Variants in TOLLIP observed in about 807,000 individuals in gnomAD.
TOLLIP encodes toll interacting protein.
TOLLIP carries 16 observed loss-of-function variants against 33.5 expected under a neutral mutation model. The ratio of observed to expected loss-of-function variants is 0.48; its 90% CI spans 0.32 to 0.72. The LOEUF is 0.72. Ranked by LOEUF, TOLLIP falls within the 30% of genes least tolerant of loss-of-function variation. TOLLIP has a pLI of 0.03. For missense variants in TOLLIP, 325 were observed against 396.6 expected (o/e 0.82, Z 1.53); for synonymous variants, 176 against 163.7 (o/e 1.07, Z -0.57).
rs1863354328 is a variant in TOLLIP, at chr11:1,277,672, C to T, written c.611-419G>A. 1.3e-5 allele frequency among the ~76,000 whole-genome samples: 2 copies of T among 152,210 alleles called. No individual in the cohort carries two copies. Among genetic ancestry groups the T allele is most frequent in the Non-Finnish European group, 2.9e-5 (2 of 68,036 alleles). ...GTCCTCTGCATCTGGGGACGGACTA[C>T]ACGGAATGTCACGCCCGCTGATCCA... On this transcript the variant is annotated intron_variant, in intron 5 of 5. Transcript: ENST00000317204. The surrounding 1 kb of genome is among the most constrained non-coding windows in gnomAD (Gnocchi z 4.2).
In TOLLIP at chr11:1,277,337, G is replaced by A. The variant is rs1863344484; in HGVS notation, c.611-84C>T. 5 of 1,140,514 alleles carry A rather than the reference G, an allele frequency of 4.4e-6. No individual in the cohort carries two copies. The highest frequency in any genetic ancestry group is 5.2e-5 in the East Asian group (2 of 38,254). The allele number at this position is 1,140,514 out of a possible 1,614,324, so 70.6% of individuals were successfully genotyped here. A position where few individuals can be genotyped will look rare whatever the true frequency, so the allele number is the denominator to read the frequency against. On this transcript the variant is annotated intron_variant, in intron 5 of 5. Coordinates refer to ENST00000317204, the MANE Select transcript of TOLLIP (RefSeq NM_019009.4). The surrounding 1 kb of genome is among the most constrained non-coding windows in gnomAD (Gnocchi z 4.2). ...GCTCCTGCTGAAGGAAGAAAACAAC[G>A]CATCCCACCGGCCTCCCTGAGGAAG...
chr11:1,308,735 G>A (rs1448309985), intron 1 of TOLLIP, among the ~76,000 whole-genome samples: 1 of 152,222 alleles, frequency 6.6e-6, no homozygotes, highest in African/African-American at 2.4e-5. Flanking sequence ...CACTAACCGG[G>A]GACACAATTG....
At chr11:1,295,872 T>C in intron 1 of TOLLIP, 78 bp from the exon 2 acceptor site, 1 of 1,472,408 alleles carries the variant, frequency 6.8e-7, no homozygotes. Flanking sequence ...GCCCCCGGCA[T>C]TCCCGCGGCC....
intron 5 of TOLLIP, among the ~76,000 whole-genome samples, chr11:1,280,349 C>G (rs1283932678): frequency 3.9e-5 from 6 of 152,192 alleles, no homozygotes; most frequent in Non-Finnish European, 7.3e-5. Context: ...GGGCCTCCCC[C>G]TTGTCCATCC....
At chr11:1,293,659 T>G (rs1864022186) in intron 2 of TOLLIP, among the ~76,000 whole-genome samples, 1 of 152,218 alleles carries the variant, frequency 6.6e-6, no homozygotes, top group African/African-American at 2.4e-5. Context: ...TGTGGTGGGC[T>G]CCAGGGTGCG....
intron 1 of TOLLIP, among the ~76,000 whole-genome samples, chr11:1,299,376 G>A (rs1379979184): frequency 1.3e-5 from 2 of 152,192 alleles, no homozygotes; most frequent in Non-Finnish European, 2.9e-5. Context: ...CTTCAAACGA[G>A]GAGGGAGTGC....
Position 1,290,173 on chromosome 11 carries a change from G to A in TOLLIP, c.366+54C>T. Reference sequence around the variant, plus strand: ...CTGTGTTGGCAGGTGTGTCCCCACGGCAGCCACGCTCAGCCACGTGCAGCC... The same window carrying A: ...CTGTGTTGGCAGGTGTGTCCCCACGACAGCCACGCTCAGCCACGTGCAGCC... On this transcript the variant is annotated intron_variant, in intron 3 of 5. Coordinates refer to ENST00000317204, the MANE Select transcript of TOLLIP (RefSeq NM_019009.4). The surrounding 1 kb of genome is among the most constrained non-coding windows in gnomAD (Gnocchi z 4.9). The A allele has an allele frequency of 6.4e-7, 1 of 1,572,626 alleles. No individual in the cohort carries two copies. The highest frequency in any genetic ancestry group is 8.7e-7 in the Non-Finnish European group (1 of 1,151,472).
At position 1,277,811 on chromosome 11, in the gene TOLLIP, T is replaced by C. The variant is rs1221907001; in HGVS notation, c.611-558A>G. Among the ~76,000 whole-genome samples, 1 of 152,208 alleles carries C rather than the reference T, an allele frequency of 6.6e-6. No individual in the cohort carries two copies. Among genetic ancestry groups the C allele is most frequent in the African/African-American group, 2.4e-5 (1 of 41,448 alleles). On this transcript the variant is annotated intron_variant, in intron 5 of 5. Coordinates refer to ENST00000317204, the MANE Select transcript of TOLLIP (RefSeq NM_019009.4). This position sits in a 1 kb window ranked among gnomAD's most constrained non-coding sequence, Gnocchi z 4.2. ...GGTGGGGAACAATCACCACAGGCAC[T>C]GAAGACCTCAGCAAAGCTGCAGCCG... is the stretch of plus-strand genomic sequence containing the variant.
intron 1 of TOLLIP, among the ~76,000 whole-genome samples, chr11:1,297,094 G>A (rs1412731131): frequency 6.6e-6 from 1 of 152,118 alleles, no homozygotes; most frequent in Non-Finnish European, 1.5e-5. Context: ...CAGTGCCCTG[G>A]GCAGTTGTTT....
At chr11:1,295,823 T>A in intron 1 of TOLLIP, 29 bp from the exon 2 acceptor site, 1 of 1,526,322 alleles carries the variant, frequency 6.6e-7, no homozygotes. Context: ...GAGAGGCCAG[T>A]GAGTCAGGGT....
intron 2 of TOLLIP, among the ~76,000 whole-genome samples, chr11:1,293,326 G>A (rs1864013174): frequency 6.6e-6 from 1 of 152,220 alleles, no homozygotes; most frequent in Non-Finnish European, 1.5e-5. Context: ...ATCTGGGGTG[G>A]AGCTGAGTGG....
intron 1 of TOLLIP, among the ~76,000 whole-genome samples, chr11:1,308,041 A>G (rs1300706576): frequency 1.3e-5 from 2 of 152,200 alleles, no homozygotes; most frequent in African/African-American, 2.4e-5. Context: ...AGCATCGTGA[A>G]AAAGGACTTT....
In TOLLIP at chr11:1,288,604, C is replaced by T. The variant is rs369695317; in HGVS notation, c.519+20G>A. 439 of 1,598,758 alleles carry T rather than the reference C, an allele frequency of 2.7e-4. No individual in the cohort carries two copies. The highest frequency in any genetic ancestry group is 4.1e-4 in the African/African-American group (31 of 74,890). Reference sequence around the variant, plus strand: ...CAACATACCCCAATGCGCCCCACCCCGCCCAGGCGTGCAGCTCACCGCGTA... The same window carrying T: ...CAACATACCCCAATGCGCCCCACCCTGCCCAGGCGTGCAGCTCACCGCGTA... On this transcript the variant is annotated intron_variant, in intron 4 of 5. Transcript: ENST00000317204.
At chr11:1,302,303 TC>T (rs1864304658) in intron 1 of TOLLIP, among the ~76,000 whole-genome samples, 1 of 152,130 alleles carries the variant, frequency 6.6e-6, no homozygotes, top group Admixed American at 6.5e-5. Flanking sequence ...GCCCTGGCGG[TC>T]CCTCTGCCCA....
In TOLLIP at chr11:1,290,081, G is replaced by T; in HGVS notation, c.366+146C>A. The T allele has an allele frequency of 1.4e-6, 1 of 703,556 alleles. No homozygotes were observed. Among genetic ancestry groups the T allele is most frequent in the Non-Finnish European group, 2.4e-6 (1 of 419,480 alleles). 43.6% of individuals were successfully genotyped at this position (703,556 alleles called of 1,614,324 possible). A position where few individuals can be genotyped will look rare whatever the true frequency, so the allele number is the denominator to read the frequency against. On this transcript the variant is annotated intron_variant, in intron 3 of 5. Coordinates refer to ENST00000317204, the MANE Select transcript of TOLLIP (RefSeq NM_019009.4). This position sits in a 1 kb window ranked among gnomAD's most constrained non-coding sequence, Gnocchi z 4.9. ...TTTTCACATTCCTTGGGGAGAGCAG[G>T]ACCCTGTCATGCACCCAATGAAACA...
intron 1 of TOLLIP, among the ~76,000 whole-genome samples, chr11:1,304,159 G>A (rs901261914): frequency 7.2e-5 from 11 of 151,900 alleles, no homozygotes; most frequent in African/African-American, 1.7e-4. Flanking sequence ...ATCCACTCCC[G>A]GGCTGCTCAG....
intron 5 of TOLLIP, among the ~76,000 whole-genome samples, chr11:1,282,629 GATAA>G (rs200790260): frequency 0.039 from 3,114 of 79,072 alleles, 49 homozygotes; most frequent in Middle Eastern, 0.17. Context: ...ATATAATTAA[GATAA>G]ATAAATAAAT....
At chr11:1,287,300 C>T (rs1863743087) in intron 4 of TOLLIP, among the ~76,000 whole-genome samples, 1 of 152,210 alleles carries the variant, frequency 6.6e-6, no homozygotes, top group Admixed American at 6.5e-5. Context: ...TACACATCGT[C>T]ACTCACGGCC....
At chr11:1,289,980 C>T in intron 3 of TOLLIP, 1 of 521,646 alleles carries the variant, frequency 1.9e-6, no homozygotes, top group Non-Finnish European at 3.5e-6. Flanking sequence ...CACGTGCACG[C>T]TGTATCCCTG....
Sources: gnomAD v4.1 joint callset for allele counts (sites outside exome capture counted in the v4.1 genomes callset) on GRCh38, gnomAD v4.1.1 for gene constraint, Gnocchi (gnomAD v3.1) non-coding constraint, MANE v1.5 for transcripts, NCBI Gene and HGNC (gene_info 2026-07-23, HGNC 2026-07-21) for gene names.